The following ZRANB3 variants were observed in gnomAD, a reference collection of about 807,000 sequenced individuals.
ZRANB3 encodes zinc finger RANBP2-type containing 3.
In ZRANB3, 125 loss-of-function variants were observed where a neutral mutation model predicts 133.8. That is an observed-to-expected ratio of 0.93 (90% CI 0.81 to 1.08). The LOEUF is 1.08. Among genes scored for constraint, ZRANB3 ranks in the 50% least tolerant of loss-of-function variants. The pLI, the probability that ZRANB3 is intolerant of heterozygous loss-of-function variation, is 0.00. For missense variants in ZRANB3, 1,229 were observed against 1,275.5 expected, an observed-to-expected ratio of 0.96 and a Z score of 0.56; for synonymous variants, 387 against 432.7, an observed-to-expected ratio of 0.89 and a Z score of 1.31.
intron 2 of ZRANB3, among the ~76,000 whole-genome samples, chr2:135,420,221 T>A (rs1688782901): frequency 6.7e-6 from 1 of 150,240 alleles, no homozygotes; most frequent in Non-Finnish European, 1.5e-5. Flanking sequence ...GGAATAGGGA[T>A]TAGAGAGAGA....
intron 17 of ZRANB3, among the ~76,000 whole-genome samples, chr2:135,214,995 G>A (rs944724977): frequency 1.3e-5 from 2 of 152,146 alleles, no homozygotes; most frequent in Non-Finnish European, 2.9e-5. Flanking sequence ...ACAGCTTATC[G>A]CAGCCTTGAC....
At chr2:135,220,854 A>ATTTTTTTTTTTTTTTTTTT (rs199874707) in intron 15 of ZRANB3, among the ~76,000 whole-genome samples, 1 of 144,892 alleles carries the variant, frequency 6.9e-6, no homozygotes, top group Non-Finnish European at 1.5e-5. Flanking sequence ...TGAACTAGGA[A>ATTTTTTTTTTTTTTTTTTT]TTTATTTTTT....
intron 2 of ZRANB3, among the ~76,000 whole-genome samples, chr2:135,408,260 C>G (rs1263294735): frequency 6.6e-6 from 1 of 152,134 alleles, no homozygotes; most frequent in Non-Finnish European, 1.5e-5. Context: ...AAATGCAGAT[C>G]AAAACCACAA....
intron 2 of ZRANB3, among the ~76,000 whole-genome samples, chr2:135,414,987 C>G (rs1688489981): frequency 6.6e-6 from 1 of 151,528 alleles, no homozygotes; most frequent in Non-Finnish European, 1.5e-5. Flanking sequence ...CACTAAATGC[C>G]CACAAGAGAA....
intron 2 of ZRANB3, among the ~76,000 whole-genome samples, chr2:135,415,499 T>C (rs1357172233): frequency 6.6e-6 from 1 of 152,082 alleles, no homozygotes; most frequent in Non-Finnish European, 1.5e-5. Flanking sequence ...CAGGACCAGA[T>C]GGATTCACAG....
chr2:135,341,608 C>T (rs972181204), intron 6 of ZRANB3, among the ~76,000 whole-genome samples: 8 of 149,880 alleles, frequency 5.3e-5, no homozygotes, highest in African/African-American at 7.6e-5. Flanking sequence ...TGCTTGGGAG[C>T]CAGGCAGGAC....
Position 135,353,558 on chromosome 2 carries a change from A to G in ZRANB3, c.251T>C (p.Ile84Thr), listed in dbSNP as rs1470256267. ...GTACCTCAGAGACGAAGGGACCACT[A>G]TTAACAGAGGCCATTCCTCTTTATA... is the stretch of plus-strand genomic sequence containing the variant. ...YFYKEEWPLL[I>T]VVPSSLRYPW... is the part of the protein sequence containing the mutation. Residue 84 changes from isoleucine to threonine, a missense_variant, in exon 4 of 21, where the codon ATA (isoleucine) becomes ACA (threonine). Coordinates refer to ENST00000264159, the MANE Select transcript of ZRANB3 (RefSeq NM_032143.4). 1.9e-6 allele frequency: 3 copies of G among 1,609,302 alleles called. No individual in the cohort carries two copies. The highest frequency in any genetic ancestry group is 2.5e-6 in the Non-Finnish European group (3 of 1,177,016).
chr2:135,362,704 G>A (rs1685747232), intron 3 of ZRANB3, among the ~76,000 whole-genome samples: 1 of 152,082 alleles, frequency 6.6e-6, no homozygotes, highest in Admixed American at 6.5e-5. Flanking sequence ...ACTCAGGCTG[G>A]CCTCAAATTC....
rs768902625 is a variant in ZRANB3, at chr2:135,321,529, A to T, written c.678-5999T>A. Among the ~76,000 whole-genome samples, 5 of 149,102 alleles carry T rather than the reference A, an allele frequency of 3.4e-5. No individual in the cohort carries two copies. The East Asian group carries it at 9.9e-4, about 29-fold the overall frequency. On this transcript the variant is annotated intron_variant, in intron 6 of 20. Coordinates refer to ENST00000264159, the MANE Select transcript of ZRANB3 (RefSeq NM_032143.4). Reference sequence around the variant, plus strand: ...CATTCTGTCGCCCAAACTGGAGAGCAGTGGCACGATCTCAGTTCACTGCAA... The same window carrying T: ...CATTCTGTCGCCCAAACTGGAGAGCTGTGGCACGATCTCAGTTCACTGCAA...
chr2:135,362,522 A>G (rs1230255645), intron 3 of ZRANB3, among the ~76,000 whole-genome samples: 2 of 152,224 alleles, frequency 1.3e-5, no homozygotes, highest in Admixed American at 6.5e-5. Flanking sequence ...TGAGTCGGGG[A>G]TGGTGGCAGA....
chr2:135,350,815 G>A (rs4954244), intron 4 of ZRANB3, among the ~76,000 whole-genome samples: 15,861 of 152,194 alleles, frequency 0.1, 1,092 homozygotes, highest in South Asian at 0.32. Context: ...TGTGAAGTGT[G>A]GTTAGAAGAA....
chr2:135,372,730 T>C (rs1188722414), intron 3 of ZRANB3, among the ~76,000 whole-genome samples: 5 of 143,808 alleles, frequency 3.5e-5, no homozygotes, highest in Non-Finnish European at 3.0e-5. Context: ...GAGCTTGCAG[T>C]AAGCCAAGAT....
chr2:135,433,953 C>T (rs573386290), intron 2 of ZRANB3, among the ~76,000 whole-genome samples: 2 of 152,154 alleles, frequency 1.3e-5, no homozygotes, highest in South Asian at 2.1e-4. Context: ...GTTGAGATAG[C>T]GCCACTGCAC....
intron 2 of ZRANB3, among the ~76,000 whole-genome samples, chr2:135,435,442 T>C (rs937155625): frequency 6.6e-6 from 1 of 152,264 alleles, no homozygotes; most frequent in Non-Finnish European, 1.5e-5. Context: ...TGAATAGTGC[T>C]ACATTGAACA....
intron 5 of ZRANB3, among the ~76,000 whole-genome samples, chr2:135,347,251 C>T (rs576406734): frequency 6.6e-6 from 1 of 151,636 alleles, no homozygotes; most frequent in African/African-American, 2.4e-5. Context: ...TGTAACTATA[C>T]ACATGAGTAT....
Position 135,265,639 on chromosome 2 carries a change from C to T in ZRANB3, c.1434G>A (p.Gln478=). The change falls in exon 12 of 21, where the codon CAG becomes CAA. Residue 478 remains glutamine (Q), a synonymous_variant. Coordinates refer to ENST00000264159, the MANE Select transcript of ZRANB3 (RefSeq NM_032143.4). ...STLNGRKEKI[Q]AEEGDKEKWD... ...ATTTTTCCTTATCACCTTCCTCAGC[C>T]TGAATTTTTTCTTTCCTACCGTTCA... 1 of 1,613,710 alleles carries T rather than the reference C, an allele frequency of 6.2e-7. No homozygotes were observed. Among genetic ancestry groups the T allele is most frequent in the Non-Finnish European group, 8.5e-7 (1 of 1,179,798 alleles).
chr2:135,200,417 T>TAAGGAAAGA lies in ZRANB3; in HGVS notation c.3164_3165insTCTTTCCTT (p.Glu1055delinsAspLeuSerLeu). ...GAGATTGTCTTCTCACCTGGCTTCT[T>TAAGGAAAGA]TCCTTAGCTTGTCTGGCAGTTCTCT... On this transcript the variant is annotated protein_altering_variant, in exon 21 of 21. Coordinates refer to ENST00000264159, the MANE Select transcript of ZRANB3 (RefSeq NM_032143.4). The TAAGGAAAGA allele has an allele frequency of 6.2e-7, 1 of 1,606,020 alleles. No individual in the cohort carries two copies. The highest frequency in any genetic ancestry group is 8.5e-7 in the Non-Finnish European group (1 of 1,175,878).
chr2:135,462,022 A>G (rs1292809425), intron 2 of ZRANB3, among the ~76,000 whole-genome samples: 1 of 152,216 alleles, frequency 6.6e-6, no homozygotes, highest in African/African-American at 2.4e-5. Flanking sequence ...GACTAGTTCT[A>G]AAGAATAGCA....
Position 135,360,239 on chromosome 2 carries a change from G to A in ZRANB3, c.181-6611C>T, listed in dbSNP as rs566268612. Reference sequence around the variant, plus strand: ...ATGAAAAATACAAAAAAATTAGCCCGGCATAGTGGCGCACACCTGTAGTCC... The same window carrying A: ...ATGAAAAATACAAAAAAATTAGCCCAGCATAGTGGCGCACACCTGTAGTCC... On this transcript the variant is annotated intron_variant, in intron 3 of 20. Transcript: ENST00000264159. 2.7e-4 allele frequency among the ~76,000 whole-genome samples: 41 copies of A among 152,078 alleles called. No individual in the cohort carries two copies. The South Asian group carries it at 5.8e-3, about 22-fold the overall frequency.
Sources: allele counts gnomAD v4.1 joint callset (sites outside exome capture counted in the v4.1 genomes callset), GRCh38; gene constraint gnomAD v4.1.1; transcripts MANE v1.5; gene names NCBI Gene and HGNC (gene_info 2026-07-23, HGNC 2026-07-21).